ADAMTS16: variants seen among roughly 807,000 people sequenced by gnomAD.
ADAMTS16 encodes the protein ADAM metallopeptidase with thrombospondin type 1 motif 16, also known as A disintegrin and metalloproteinase with thrombospondin motifs 16.
In ADAMTS16, 94 loss-of-function variants were observed where a neutral mutation model predicts 145.8. The ratio of observed to expected loss-of-function variants is 0.64; its 90% CI spans 0.55 to 0.77. The LOEUF (loss-of-function observed/expected upper bound fraction) is 0.77, where lower values mean the gene tolerates loss of function less well. ADAMTS16 is among the 30% of genes least tolerant of loss of function. The probability of loss-of-function intolerance (pLI) is 0.00; values close to 1 mark genes in which losing one functional copy is unlikely to be tolerated. For synonymous variants in ADAMTS16, 659 were observed against 604.3 expected, an observed-to-expected ratio of 1.09 and a Z score of -1.33; for missense variants, 1,585 against 1,591.5, an observed-to-expected ratio of 1.00 and a Z score of 0.07.
intron 2 of ADAMTS16, 25 bp downstream of exon 2, chr5:5,140,791 T>A: frequency 1.3e-6 from 2 of 1,528,352 alleles, no homozygotes; most frequent in South Asian, 2.4e-5. Flanking sequence ...TGGGGGCTTC[T>A]AATCCTTGCC....
chr5:5,191,813 A>G, intron 8 of ADAMTS16, 23 bp downstream of exon 8: 1 of 1,564,388 alleles, frequency 6.4e-7, no homozygotes, highest in East Asian at 2.3e-5. Context: ...CCATGGGAGG[A>G]TGGCATCCCG....
intron 2 of ADAMTS16, among the ~76,000 whole-genome samples, chr5:5,141,343 C>T (rs1734164827): frequency 6.6e-6 from 1 of 152,216 alleles, no homozygotes; most frequent in South Asian, 2.1e-4. Flanking sequence ...CAGCAACGTT[C>T]ATATCCTGGG....
At chr5:5,175,585 A>G (rs1735170607) in intron 3 of ADAMTS16, among the ~76,000 whole-genome samples, 1 of 152,104 alleles carries the variant, frequency 6.6e-6, no homozygotes, top group South Asian at 2.1e-4. Flanking sequence ...TTGCCTAGGA[A>G]TTTCAGTTCT....
intron 11 of ADAMTS16, among the ~76,000 whole-genome samples, chr5:5,227,778 A>G (rs1736812849): frequency 6.6e-6 from 1 of 152,204 alleles, no homozygotes; most frequent in Non-Finnish European, 1.5e-5. Context: ...CAAAAACTGC[A>G]ATTGCTTTTG....
At chr5:5,159,369 G>C (rs1358538808) in intron 3 of ADAMTS16, among the ~76,000 whole-genome samples, 3 of 152,162 alleles carry the variant, frequency 2.0e-5, no homozygotes, top group Admixed American at 1.3e-4. Context: ...CTGGGCTTCA[G>C]CTTTCTTAAT....
At chr5:5,185,371 A>G (rs1227344410) in intron 4 of ADAMTS16, among the ~76,000 whole-genome samples, 1 of 152,200 alleles carries the variant, frequency 6.6e-6, no homozygotes, top group Non-Finnish European at 1.5e-5. Context: ...CATCCACTAA[A>G]CCTAATTGTT....
At position 5,317,877 on chromosome 5, in the gene ADAMTS16, T is replaced by C. The variant is rs940340628; in HGVS notation, c.3412-257T>C. On this transcript the variant is annotated intron_variant, in intron 21 of 22. Coordinates refer to ENST00000274181, the MANE Select transcript of ADAMTS16 (RefSeq NM_139056.4). The surrounding 1 kb of genome is among the most constrained non-coding windows in gnomAD (Gnocchi z 4.5). ...AACAGGAAGGGTTCCAGGAGCTATGTCAGCTGGTTGGTTTGGAATGCTCTG... is the reference window on the plus strand; with the variant it reads ...AACAGGAAGGGTTCCAGGAGCTATGCCAGCTGGTTGGTTTGGAATGCTCTG... Among the ~76,000 whole-genome samples the C allele has an allele frequency of 6.6e-6, 1 of 152,156 alleles. No individual in the cohort carries two copies. Among genetic ancestry groups the C allele is most frequent in the African/African-American group, 2.4e-5 (1 of 41,436 alleles).
At chr5:5,259,084 C>T (rs774814018) in intron 17 of ADAMTS16, among the ~76,000 whole-genome samples, 3 of 152,056 alleles carry the variant, frequency 2.0e-5, no homozygotes, top group Non-Finnish European at 2.9e-5. Context: ...CGTGGTGGCT[C>T]ACAGAGATGG....
chr5:5,156,281 G>A (rs1180709900), intron 3 of ADAMTS16, among the ~76,000 whole-genome samples: 1 of 138,602 alleles, frequency 7.2e-6, no homozygotes, highest in Admixed American at 6.9e-5. Context: ...TACCAGGGAT[G>A]TTTGACTTTT....
intron 3 of ADAMTS16, among the ~76,000 whole-genome samples, chr5:5,159,481 T>C (rs1734688069): frequency 6.6e-6 from 1 of 152,138 alleles, no homozygotes; most frequent in South Asian, 2.1e-4. Flanking sequence ...ACTGAACAAG[T>C]ATTTGTTCTC....
intron 8 of ADAMTS16, among the ~76,000 whole-genome samples, chr5:5,193,566 A>G (rs1347695872): frequency 6.6e-6 from 1 of 152,206 alleles, no homozygotes; most frequent in Admixed American, 6.5e-5. Context: ...CAGTTGAGAT[A>G]TGGGAATTGG....
intron 4 of ADAMTS16, among the ~76,000 whole-genome samples, chr5:5,184,619 GA>G (rs1456343943): frequency 6.6e-6 from 1 of 152,126 alleles, no homozygotes; most frequent in Non-Finnish European, 1.5e-5. Flanking sequence ...TTGATTTGCT[GA>G]AAACCAATAG....
At chr5:5,290,891 C>T (rs907802827) in intron 18 of ADAMTS16, among the ~76,000 whole-genome samples, 3 of 152,128 alleles carry the variant, frequency 2.0e-5, no homozygotes, top group South Asian at 2.1e-4. Context: ...TCTCCCCAGA[C>T]GAGGTGGAGA....
chr5:5,257,636 G>A (rs902805894), intron 17 of ADAMTS16, among the ~76,000 whole-genome samples: 30 of 152,210 alleles, frequency 2.0e-4, no homozygotes, highest in African/African-American at 6.8e-4. Flanking sequence ...CCGGACATGA[G>A]CTGTTTTTAT....
chr5:5,268,035 A>T (rs1270719495), intron 18 of ADAMTS16, among the ~76,000 whole-genome samples: 1 of 152,170 alleles, frequency 6.6e-6, no homozygotes, highest in East Asian at 1.9e-4. Flanking sequence ...GCCTTGGGGA[A>T]GTGGCTGCAC....
rs1419616795 is a variant in ADAMTS16 at position 5,278,881 on chromosome 5, G to GA, written c.2789+16105dup. 8.6e-5 allele frequency among the ~76,000 whole-genome samples: 13 copies of GA among 150,724 alleles called. 1 individual carries two copies. Among genetic ancestry groups the GA allele is most frequent in the Admixed American group, 8.6e-4 (13 of 15,188 alleles). On this transcript the variant is annotated intron_variant, in intron 18 of 22. Coordinates refer to ENST00000274181, the MANE Select transcript of ADAMTS16 (RefSeq NM_139056.4). ...AGTGATAAGTGTCATGGATAAAAAT[G>GA]AAAAAAAGGGGGAAAAAACCAATAA...
chr5:5,231,214 A>T (rs868336783), intron 11 of ADAMTS16, among the ~76,000 whole-genome samples: 46 of 152,122 alleles, frequency 3.0e-4, no homozygotes, highest in African/African-American at 1.0e-3. Context: ...GGAAGAGATG[A>T]TGTTGTTTTG....
chr5:5,260,356 A>G (rs555874070), intron 17 of ADAMTS16, among the ~76,000 whole-genome samples: 84 of 152,364 alleles, frequency 5.5e-4, no homozygotes, highest in African/African-American at 1.9e-3. Flanking sequence ...CAAGAGGCTC[A>G]ATATGTTAAA....
chr5:5,250,363 G>A (rs1259008313), intron 17 of ADAMTS16, among the ~76,000 whole-genome samples: 1 of 152,168 alleles, frequency 6.6e-6, no homozygotes, highest in Admixed American at 6.5e-5. Flanking sequence ...TCAAAGATAT[G>A]GAAGAAGAAA....
Sources: allele counts gnomAD v4.1 joint callset (sites outside exome capture counted in the v4.1 genomes callset), GRCh38; gene constraint gnomAD v4.1.1; non-coding constraint Gnocchi (gnomAD v3.1); transcripts MANE v1.5; gene names NCBI Gene and HGNC (gene_info 2026-07-23, HGNC 2026-07-21).